Variants in LINGO2 observed in about 807,000 individuals in gnomAD.
LINGO2 encodes the protein leucine-rich repeat and immunoglobulin-like domain-containing nogo receptor-interacting protein 2.
Under a neutral mutation model 30.6 loss-of-function variants are expected in LINGO2, and 14 were observed. The ratio of observed to expected loss-of-function variants is 0.46; its 90% CI spans 0.30 to 0.72. LINGO2 has a LOEUF of 0.72. Ranked by LOEUF, LINGO2 falls within the 30% of genes least tolerant of loss-of-function variation. The pLI is 0.07. For missense variants in LINGO2, 729 were observed against 751.7 expected (o/e 0.97, Z 0.35); for synonymous variants, 317 against 288.5 (o/e 1.10, Z -1.00).
chr9:28,819,230 C>G, the LINGO2 span, among the ~76,000 whole-genome samples: 2 of 152,150 alleles, frequency 1.3e-5, no homozygotes, highest in Non-Finnish European at 2.9e-5. Flanking sequence ...CCTCCTCGCT[C>G]TTGCTCTTGT....
chr9:29,127,203 C>T, the LINGO2 span, among the ~76,000 whole-genome samples: 2 of 152,078 alleles, frequency 1.3e-5, no homozygotes, highest in Admixed American at 1.3e-4. Context: ...CAAGCGTGTT[C>T]CCACTCTGTG....
chr9:28,714,880 A>T, the LINGO2 span, among the ~76,000 whole-genome samples: 1 of 152,184 alleles, frequency 6.6e-6, no homozygotes. Flanking sequence ...TTCTACCATG[A>T]AAGTTCTGTA....
intron 1 of LINGO2, among the ~76,000 whole-genome samples, chr9:28,595,210 T>G (rs1037805116): frequency 6.6e-6 from 1 of 152,094 alleles, no homozygotes; most frequent in African/African-American, 2.4e-5. Context: ...CATAATCATG[T>G]GAAGTTAAGT....
intron 3 of LINGO2, among the ~76,000 whole-genome samples, chr9:28,350,385 G>C (rs1819812897): frequency 6.7e-6 from 1 of 148,580 alleles, no homozygotes; most frequent in Admixed American, 6.8e-5. Flanking sequence ...AAGCAACAAA[G>C]ATCAAAAGAG....
At chr9:28,308,034 C>T (rs1337574826) in intron 3 of LINGO2, among the ~76,000 whole-genome samples, 3 of 150,040 alleles carry the variant, frequency 2.0e-5, no homozygotes, top group Admixed American at 6.7e-5. Flanking sequence ...CAATGCCATC[C>T]CCATCAAGCT....
At chr9:28,286,612 C>A (rs887869242) in intron 4 of LINGO2, among the ~76,000 whole-genome samples, 2 of 152,072 alleles carry the variant, frequency 1.3e-5, no homozygotes, top group Non-Finnish European at 2.9e-5. Context: ...GTATATACCA[C>A]GGAATACTAT....
chr9:29,118,916 A>T, the LINGO2 span, among the ~76,000 whole-genome samples: 1 of 152,182 alleles, frequency 6.6e-6, no homozygotes, highest in East Asian at 1.9e-4. Flanking sequence ...GCTGACCTCA[A>T]TCCCTACTGT....
At chr9:28,756,361 TA>T in the LINGO2 span, among the ~76,000 whole-genome samples, 2 of 151,972 alleles carry the variant, frequency 1.3e-5, no homozygotes, top group South Asian at 2.1e-4. Context: ...GTCTTGTAAG[TA>T]ATTAACCTGC....
At chr9:28,883,908 C>T in the LINGO2 span, among the ~76,000 whole-genome samples, 1 of 151,146 alleles carries the variant, frequency 6.6e-6, no homozygotes. Context: ...GAACTCCTGA[C>T]CTCAAGTGAT....
intron 1 of LINGO2, among the ~76,000 whole-genome samples, chr9:28,608,929 A>ATG (rs929690832): frequency 1.3e-4 from 20 of 151,970 alleles, no homozygotes; most frequent in African/African-American, 4.6e-4. Flanking sequence ...TGGGAGATAT[A>ATG]TATTTTGCTC....
At chr9:28,568,538 A>G (rs1436952386) in intron 1 of LINGO2, among the ~76,000 whole-genome samples, 3 of 152,084 alleles carry the variant, frequency 2.0e-5, no homozygotes, top group Non-Finnish European at 4.4e-5. Flanking sequence ...CTTCACCAAG[A>G]CACTTTATAA....
intron 1 of LINGO2, among the ~76,000 whole-genome samples, chr9:28,628,423 T>C (rs188934544): frequency 2.6e-5 from 4 of 152,196 alleles, no homozygotes; most frequent in Admixed American, 1.3e-4. Context: ...AGAAAAAACA[T>C]TGGCAGTTTG....
Position 28,621,145 on chromosome 9 carries a change from A to G in LINGO2, c.-365+49055T>C, listed in dbSNP as rs184541501. On this transcript the variant is annotated intron_variant, in intron 1 of 5. Transcript: ENST00000379992. ...GCTGCAGAAAATACGACAATGCTCAAAACAAACATCCTACATAAAAACAAT... is the reference window on the plus strand; with the variant it reads ...GCTGCAGAAAATACGACAATGCTCAGAACAAACATCCTACATAAAAACAAT... Among the ~76,000 whole-genome samples the G allele has an allele frequency of 6.9e-4, 105 of 152,182 alleles. 1 individual carries two copies. The highest frequency in any genetic ancestry group is 6.8e-3 in the Middle Eastern group (2 of 294).
intron 2 of LINGO2, among the ~76,000 whole-genome samples, chr9:28,458,193 C>A (rs1929814): frequency 0.61 from 92,503 of 151,922 alleles, 28,691 homozygotes; most frequent in South Asian, 0.73. Context: ...CAGGAGCATG[C>A]AAACAATTTG....
chr9:28,329,754 A>G lies in LINGO2; in HGVS notation c.-245-34388T>C, dbSNP rs1267561665. ...CCCTTCAAGACTTCAAACAGGCATG[A>G]CCTTTTCCATGCAGACCATCCTGAC... On this transcript the variant is annotated intron_variant, in intron 3 of 5. Coordinates refer to ENST00000379992, the Ensembl canonical transcript of LINGO2. This position sits in a 1 kb window ranked among gnomAD's most constrained non-coding sequence, Gnocchi z 4.5. Among the ~76,000 whole-genome samples, 5 of 152,010 alleles carry G rather than the reference A, an allele frequency of 3.3e-5. No individual in the cohort carries two copies. The highest frequency in any genetic ancestry group is 1.2e-4 in the African/African-American group (5 of 41,380).
chr9:29,092,224 C>T, the LINGO2 span, among the ~76,000 whole-genome samples: 2 of 151,908 alleles, frequency 1.3e-5, no homozygotes, highest in South Asian at 2.1e-4. Context: ...TCAAAAGCCT[C>T]GTAACTATAA....
chr9:28,479,806 C>A (rs1448790322), intron 1 of LINGO2, among the ~76,000 whole-genome samples: 1 of 146,328 alleles, frequency 6.8e-6, no homozygotes, highest in Admixed American at 6.9e-5. Context: ...CATATAAGTA[C>A]CATACTGAAG....
At chr9:29,016,314 T>G in the LINGO2 span, among the ~76,000 whole-genome samples, 2 of 152,114 alleles carry the variant, frequency 1.3e-5, no homozygotes, top group Non-Finnish European at 1.5e-5. Context: ...GGGATGCACA[T>G]CAGTCACTCA....
At chr9:28,312,053 C>T (rs1824643605) in intron 3 of LINGO2, among the ~76,000 whole-genome samples, 1 of 152,128 alleles carries the variant, frequency 6.6e-6, no homozygotes, top group African/African-American at 2.4e-5. Flanking sequence ...TCCCTGACTT[C>T]CCACAACAAG....
Sources: gnomAD v4.1 joint callset for allele counts (sites outside exome capture counted in the v4.1 genomes callset) on GRCh38, gnomAD v4.1.1 for gene constraint, Gnocchi (gnomAD v3.1) non-coding constraint, MANE v1.5 for transcripts, NCBI Gene and HGNC (gene_info 2026-07-23, HGNC 2026-07-21) for gene names.